Variants in ZDHHC5 observed in about 807,000 individuals in gnomAD.
ZDHHC5 encodes zDHHC palmitoyltransferase 5, also known as palmitoyltransferase ZDHHC5.
Under a neutral mutation model 70.0 loss-of-function variants are expected in ZDHHC5, and 22 were observed. The ratio of observed to expected loss-of-function variants is 0.31; its 90% confidence interval spans 0.22 to 0.45. ZDHHC5 has a LOEUF of 0.45. ZDHHC5 is among the 20% of genes least tolerant of loss of function. ZDHHC5 has a pLI of 1.00. For missense variants in ZDHHC5, 746 were observed against 926.9 expected (o/e 0.80, Z 2.53); for synonymous variants, 313 against 347.8 (o/e 0.90, Z 1.11).
intron 1 of ZDHHC5, among the ~76,000 whole-genome samples, chr11:57,669,718 C>T (rs1392234607): frequency 6.6e-6 from 1 of 152,222 alleles, no homozygotes; most frequent in Non-Finnish European, 1.5e-5. Flanking sequence ...CTCGGCCTCC[C>T]AAAGTGCTGG....
chr11:57,684,158 T>C (rs555504351), intron 3 of ZDHHC5, among the ~76,000 whole-genome samples: 12 of 152,162 alleles, frequency 7.9e-5, no homozygotes, highest in African/African-American at 2.9e-4. Flanking sequence ...TACCTATTCT[T>C]GGTAGAGATG....
intron 2 of ZDHHC5, among the ~76,000 whole-genome samples, chr11:57,674,721 G>A (rs907082517): frequency 6.6e-6 from 1 of 152,158 alleles, no homozygotes; most frequent in African/African-American, 2.4e-5. Context: ...TGAAAAATGT[G>A]GGTCACATTG....
At chr11:57,682,889 C>T (rs1946165926) in intron 3 of ZDHHC5, among the ~76,000 whole-genome samples, 1 of 152,110 alleles carries the variant, frequency 6.6e-6, no homozygotes, top group African/African-American at 2.4e-5. Context: ...GTAATACCCA[C>T]AGTGAATTAA....
chr11:57,688,867 T>G (rs753039702), intron 4 of ZDHHC5, among the ~76,000 whole-genome samples: 31 of 152,212 alleles, frequency 2.0e-4, no homozygotes, highest in Non-Finnish European at 2.9e-4. Flanking sequence ...AAGCTTTAAC[T>G]CAATATGGGC....
At chr11:57,687,148 G>C (rs189204416) in intron 3 of ZDHHC5, among the ~76,000 whole-genome samples, 1 of 152,098 alleles carries the variant, frequency 6.6e-6, no homozygotes, top group Admixed American at 6.5e-5. Flanking sequence ...TCTTTACCTA[G>C]CATTTCTTGT....
Position 57,699,291 on chromosome 11 carries a change from G to T in ZDHHC5, c.1855G>T (p.Val619Leu), listed in dbSNP as rs767097794. 18 of 1,614,244 alleles carry T rather than the reference G, an allele frequency of 1.1e-5. No individual in the cohort carries two copies. The highest frequency in any genetic ancestry group is 1.5e-5 in the Non-Finnish European group (18 of 1,180,036). ...GKPDGLRGRG[V>L]GSPEPGPTAP... ...GCCAGATGGGCTAAGGGGCCGGGGA[G>T]TAGGGTCCCCTGAACCAGGCCCAAC... The change falls in exon 11 of 12, where the codon GTA becomes TTA. Residue 619 changes from valine to leucine, a missense_variant. Transcript: ENST00000287169.
intron 3 of ZDHHC5, among the ~76,000 whole-genome samples, chr11:57,686,446 G>A (rs886524376): frequency 6.6e-6 from 1 of 151,752 alleles, no homozygotes; most frequent in Non-Finnish European, 1.5e-5. Context: ...CTCCCGAGTC[G>A]CTGGAATTAC....
chr11:57,686,779 A>G (rs1946212677), intron 3 of ZDHHC5, among the ~76,000 whole-genome samples: 1 of 151,792 alleles, frequency 6.6e-6, no homozygotes, highest in Non-Finnish European at 1.5e-5. Context: ...TAAAAAATAT[A>G]TGTGTATATT....
intron 1 of ZDHHC5, among the ~76,000 whole-genome samples, chr11:57,670,118 A>T (rs1028971073): frequency 1.3e-4 from 20 of 152,350 alleles, no homozygotes; most frequent in East Asian, 1.2e-3. Context: ...TCTAGATAAA[A>T]TTTAAGTAGT....
chr11:57,677,153 C>G (rs527559579), intron 2 of ZDHHC5, among the ~76,000 whole-genome samples: 2 of 151,170 alleles, frequency 1.3e-5, no homozygotes, highest in African/African-American at 4.9e-5. Context: ...GATCTCCTGG[C>G]CTCGTGATCT....
At chr11:57,678,912 T>G (rs1946109702) in intron 2 of ZDHHC5, among the ~76,000 whole-genome samples, 2 of 152,210 alleles carry the variant, frequency 1.3e-5, no homozygotes, top group African/African-American at 4.8e-5. Flanking sequence ...CATTCTCATG[T>G]TTGTACTATG....
chr11:57,687,756 GTTTTT>G (rs746146074), intron 3 of ZDHHC5, among the ~76,000 whole-genome samples: 1 of 75,274 alleles, frequency 1.3e-5, no homozygotes, highest in Non-Finnish European at 2.4e-5. Context: ...TTTTGGGAAA[GTTTTT>G]TTTTTTTTTT....
At chr11:57,698,491 C>G (rs1946386045) in intron 10 of ZDHHC5, 68 bp from the exon 11 acceptor site, 2 of 1,521,554 alleles carry the variant, frequency 1.3e-6, no homozygotes, top group Middle Eastern at 2.0e-4. Flanking sequence ...TGACCAACTC[C>G]TTGAGCTCTG....
chr11:57,682,954 G>A (rs766205789), intron 3 of ZDHHC5, among the ~76,000 whole-genome samples: 4 of 152,228 alleles, frequency 2.6e-5, no homozygotes, highest in Non-Finnish European at 5.9e-5. Context: ...AAGGTTCTGT[G>A]AGAATACAAA....
intron 1 of ZDHHC5, among the ~76,000 whole-genome samples, chr11:57,669,192 C>G (rs1326583698): frequency 6.6e-6 from 1 of 152,202 alleles, no homozygotes; most frequent in Non-Finnish European, 1.5e-5. Context: ...CTTCTTGGCT[C>G]TTTCTCCCAT....
At chr11:57,694,628 CTAGGATTA>C (rs1946326400) in intron 8 of ZDHHC5, among the ~76,000 whole-genome samples, 1 of 152,144 alleles carries the variant, frequency 6.6e-6, no homozygotes. Flanking sequence ...TCCCAAAATG[CTAGGATTA>C]TAGGTGTGAG....
At position 57,699,335 on chromosome 11, in the gene ZDHHC5, A is replaced by G; in HGVS notation, c.1899A>G (p.Arg633=). ...EPGPTAPYLG[R]SMSYSSQKAQ... is the part of the protein sequence containing the mutation. The stretch of plus-strand genomic sequence containing the variant: ...GCCCAACAGCCCCATACCTGGGCCG[A>G]TCGATGTCTTACAGCAGCCAAAAAG... Residue 633 remains arginine (R), a synonymous_variant, in exon 11 of 12, where the codon CGA becomes CGG. Transcript: ENST00000287169. The G allele has an allele frequency of 1.9e-6, 3 of 1,613,006 alleles. No individual in the cohort carries two copies. The highest frequency in any genetic ancestry group is 2.5e-6 in the Non-Finnish European group (3 of 1,179,208).
chr11:57,699,644 G>A (rs2135408275), intron 11 of ZDHHC5, among the ~76,000 whole-genome samples: 1 of 152,330 alleles, frequency 6.6e-6, no homozygotes, highest in South Asian at 2.1e-4. Flanking sequence ...GTATTTGCTT[G>A]GGAGTAAGTA....
Position 57,689,959 on chromosome 11 carries a change from T to G in ZDHHC5, c.385-72T>G, listed in dbSNP as rs1590866860. 11 of 1,516,568 alleles carry G rather than the reference T, an allele frequency of 7.3e-6. No individual in the cohort carries two copies. In the East Asian group the frequency reaches 2.5e-4, roughly 34 times the overall value. The allele number at this position is 1,516,568 out of a possible 1,614,324, so 93.9% of individuals were successfully genotyped here. ...TGATCAAAACTTAGCTGCCATTTGTTTCTCTTCTTGACAGAAGTAATTTAA... is the reference window on the plus strand; with the variant it reads ...TGATCAAAACTTAGCTGCCATTTGTGTCTCTTCTTGACAGAAGTAATTTAA... On this transcript the variant is annotated intron_variant, in intron 4 of 11. Transcript: ENST00000287169.
Sources: allele counts gnomAD v4.1 joint callset (sites outside exome capture counted in the v4.1 genomes callset), GRCh38; gene constraint gnomAD v4.1.1; transcripts MANE v1.5; gene names NCBI Gene and HGNC (gene_info 2026-07-23, HGNC 2026-07-21).